S100A13: variants seen among roughly 807,000 people sequenced by gnomAD.
The protein encoded by S100A13 is S100 calcium binding protein A13.
A neutral mutation model predicts 8.2 loss-of-function variants in S100A13; 6 were observed. That is an observed-to-expected ratio of 0.73 (90% CI 0.40 to 1.44). S100A13 has a LOEUF of 1.44. Among genes scored for constraint, S100A13 ranks in the 40% most tolerant of loss-of-function variants. The pLI is 0.02. For synonymous variants in S100A13, 39 were observed against 45.9 expected (o/e 0.85, Z 0.61); for missense variants, 114 against 113.6 (o/e 1.00, Z -0.02).
At chr1:153,623,412 G>T (rs1667404988) in intron 2 of S100A13, among the ~76,000 whole-genome samples, 2 of 149,784 alleles carry the variant, frequency 1.3e-5, no homozygotes, top group African/African-American at 4.9e-5. Context: ...CTTTGAGACA[G>T]TCTCCCTCTG....
At chr1:153,628,654 A>T, upstream of S100A13, 1 of 1,283,056 alleles carries the variant, frequency 7.8e-7, no homozygotes. Flanking sequence ...TTTGGGGGAG[A>T]CAGGGTTTGG....
chr1:153,620,158 G>C (rs955789595), intron 2 of S100A13, among the ~76,000 whole-genome samples: 5 of 151,980 alleles, frequency 3.3e-5, no homozygotes, highest in Admixed American at 1.3e-4. Flanking sequence ...ATGGTGGTGG[G>C]AGCCTGTAAT....
At chr1:153,631,138 G>A (rs1271405327), upstream of S100A13, 5 of 318,132 alleles carry the variant, frequency 1.6e-5, no homozygotes, top group Non-Finnish European at 2.3e-5. Flanking sequence ...ATGGGAGAAA[G>A]AAGAATGTGG....
At chr1:153,634,009 C>G (rs1296173566), upstream of S100A13, 1 of 152,480 alleles carries the variant, frequency 6.6e-6, no homozygotes, top group African/African-American at 2.4e-5. Context: ...GTGCGCGGAT[C>G]TGACGCCTGA....
At chr1:153,622,603 G>A (rs1423911369) in intron 2 of S100A13, among the ~76,000 whole-genome samples, 1 of 152,220 alleles carries the variant, frequency 6.6e-6, no homozygotes, top group Non-Finnish European at 1.5e-5. Context: ...CTTAAGCCTA[G>A]GAGTTCAAGA....
chr1:153,628,469 C>G, upstream of S100A13: 1 of 1,550,754 alleles, frequency 6.4e-7, no homozygotes, highest in South Asian at 1.2e-5. Context: ...TGTCCAGAAC[C>G]TGCTCCCACC....
At chr1:153,630,339 T>G, upstream of S100A13, 2 of 803,356 alleles carry the variant, frequency 2.5e-6, no homozygotes, top group Non-Finnish European at 3.8e-6. Flanking sequence ...TTAGGTCTCT[T>G]GGGGTTTCCC....
At chr1:153,628,081 G>A (rs1433238785), upstream of S100A13, 8 of 1,550,328 alleles carry the variant, frequency 5.2e-6, no homozygotes, top group Non-Finnish European at 7.0e-6. Context: ...CCATGGAGGA[G>A]CCACAGACTA....
chr1:153,632,042 C>CA, upstream of S100A13: 1 of 609,374 alleles, frequency 1.6e-6, no homozygotes, highest in South Asian at 2.0e-5. Context: ...ACCAGCCATC[C>CA]GATGTCTGTC....
At chr1:153,624,585 G>T (rs985670746) in intron 2 of S100A13, among the ~76,000 whole-genome samples, 5 of 151,200 alleles carry the variant, frequency 3.3e-5, no homozygotes, top group African/African-American at 9.7e-5. Flanking sequence ...GCTTGACAAG[G>T]ATATAAGGAA....
chr1:153,622,972 C>A (rs114678888), intron 2 of S100A13, among the ~76,000 whole-genome samples: 3,429 of 152,262 alleles, frequency 0.023, 64 homozygotes, highest in Middle Eastern at 0.044. Context: ...TGCCTGTAGT[C>A]CCAGCTACTC....
upstream of S100A13, among the ~76,000 whole-genome samples, chr1:153,633,474 C>G (rs113037531): frequency 4.9e-5 from 5 of 101,192 alleles, no homozygotes; most frequent in African/African-American, 1.8e-4. Flanking sequence ...AAAGGTGCCC[C>G]ACCCCAAGAA....
chr1:153,631,638 C>T, upstream of S100A13: 1 of 1,613,536 alleles, frequency 6.2e-7, no homozygotes, highest in South Asian at 1.1e-5. Flanking sequence ...ACCCCCTTGC[C>T]TCTGACTCAG....
chr1:153,628,364 G>A (rs1362103554), upstream of S100A13: 1 of 1,543,750 alleles, frequency 6.5e-7, no homozygotes, highest in Non-Finnish European at 8.7e-7. Flanking sequence ...CGTCTGTGAA[G>A]GGGTGGAGTC....
At chr1:153,624,547 G>GAAA (rs34952512) in intron 2 of S100A13, among the ~76,000 whole-genome samples, 1 of 109,292 alleles carries the variant, frequency 9.1e-6, no homozygotes, top group Non-Finnish European at 2.0e-5. Context: ...TTGAATTTAG[G>GAAA]AAAAAAAAAA....
chr1:153,620,432 G>C (rs1667165138), intron 2 of S100A13, among the ~76,000 whole-genome samples: 1 of 150,024 alleles, frequency 6.7e-6, no homozygotes, highest in Admixed American at 6.6e-5. Context: ...CTGCCCTCCA[G>C]CCTGGGTGAC....
upstream of S100A13, chr1:153,628,216 C>G (rs1371544661): frequency 2.6e-6 from 4 of 1,548,230 alleles, no homozygotes; most frequent in Non-Finnish European, 3.5e-6. Context: ...CCACCTCTTT[C>G]CCCTGCACCA....
At chr1:153,620,338 G>A (rs538438211) in intron 2 of S100A13, among the ~76,000 whole-genome samples, 9 of 151,802 alleles carry the variant, frequency 5.9e-5, no homozygotes, top group South Asian at 2.1e-4. Context: ...GTGCACACCC[G>A]TAGTCCCAAC....
upstream of S100A13, chr1:153,630,128 T>C (rs2101633580): frequency 1.2e-5 from 4 of 323,168 alleles, no homozygotes; most frequent in East Asian, 4.9e-5. Context: ...AGGGTAAAAA[T>C]AGAGCCAGAG....
Sources: allele counts gnomAD v4.1 joint callset (sites outside exome capture counted in the v4.1 genomes callset), GRCh38; gene constraint gnomAD v4.1.1; transcripts MANE v1.5; gene names NCBI Gene and HGNC (gene_info 2026-07-23, HGNC 2026-07-21).